OCA2: variants seen among roughly 807,000 people sequenced by gnomAD.
The protein encoded by OCA2 is P protein.
Under a neutral mutation model 100.2 loss-of-function variants are expected in OCA2, and 77 were observed. The ratio of observed to expected loss-of-function variants is 0.77; its 90% CI spans 0.64 to 0.93. The LOEUF is 0.93. Among genes scored for constraint, OCA2 ranks in the 40% least tolerant of loss-of-function variants. OCA2 has a pLI of 0.00. For missense variants in OCA2, 1,062 were observed against 1,089.1 expected, an observed-to-expected ratio of 0.98 and a Z score of 0.35; for synonymous variants, 432 against 439.2, an observed-to-expected ratio of 0.98 and a Z score of 0.21.
intron 23 of OCA2, among the ~76,000 whole-genome samples, chr15:27,774,220 G>GT (rs938696734): frequency 3.3e-5 from 5 of 151,740 alleles, no homozygotes; most frequent in African/African-American, 1.2e-4. Flanking sequence ...TCACCCCACT[G>GT]TGGGGGGCCA....
chr15:27,880,876 G>C (rs1467068703), intron 19 of OCA2, among the ~76,000 whole-genome samples: 3 of 152,152 alleles, frequency 2.0e-5, no homozygotes, highest in Admixed American at 1.3e-4. Context: ...GCCCTGGCCA[G>C]AACTTCCAAT....
chr15:27,922,683 GTGT>G (rs1567110132), intron 19 of OCA2, among the ~76,000 whole-genome samples: 6 of 36,320 alleles, frequency 1.7e-4, no homozygotes, highest in African/African-American at 1.5e-3. Flanking sequence ...TGTTTGGGGT[GTGT>G]GTGTGTGTGT....
chr15:28,032,556 C>G (rs555428104), intron 2 of OCA2, among the ~76,000 whole-genome samples: 2 of 151,638 alleles, frequency 1.3e-5, no homozygotes, highest in Admixed American at 6.6e-5. Context: ...GAGACTGAGG[C>G]GGGTGAACCA....
At chr15:27,975,829 A>G (rs758396418) in intron 14 of OCA2, among the ~76,000 whole-genome samples, 5 of 152,180 alleles carry the variant, frequency 3.3e-5, no homozygotes, top group Non-Finnish European at 7.4e-5. Context: ...AAAACCTGCT[A>G]TAGTTTTGAT....
intron 6 of OCA2, among the ~76,000 whole-genome samples, chr15:28,020,353 C>T (rs1037424322): frequency 2.6e-5 from 4 of 152,210 alleles, no homozygotes; most frequent in Non-Finnish European, 5.9e-5. Flanking sequence ...CCTGGGATCT[C>T]TACTGACTGA....
At chr15:27,796,123 T>G (rs1238884721) in intron 23 of OCA2, among the ~76,000 whole-genome samples, 1 of 152,204 alleles carries the variant, frequency 6.6e-6, no homozygotes, top group Admixed American at 6.5e-5. Context: ...GGACCTCAGG[T>G]TCTGCTGATT....
chr15:28,081,602 T>G (rs1188764034), intron 2 of OCA2, 46 bp downstream of exon 2: 1 of 1,562,330 alleles, frequency 6.4e-7, no homozygotes, highest in Non-Finnish European at 8.8e-7. Context: ...GGAAACCCAA[T>G]CTGTGTGAAG....
At chr15:27,986,526 T>C (rs1258285534) in intron 12 of OCA2, 61 bp downstream of exon 12, 2 of 1,027,902 alleles carry the variant, frequency 1.9e-6, no homozygotes, top group African/African-American at 1.6e-5. Flanking sequence ...ATATATAATG[T>C]CAGAAAAATA....
chr15:27,843,884 C>A (rs2035433930), intron 23 of OCA2, among the ~76,000 whole-genome samples: 1 of 152,210 alleles, frequency 6.6e-6, no homozygotes, highest in African/African-American at 2.4e-5. Context: ...GCTGTCTCCA[C>A]TGGCTACAGG....
chr15:27,778,552 A>G (rs2032368455), intron 23 of OCA2, among the ~76,000 whole-genome samples: 1 of 152,196 alleles, frequency 6.6e-6, no homozygotes, highest in African/African-American at 2.4e-5. Flanking sequence ...TTTTAAAGCT[A>G]TAACGTTCTG....
intron 2 of OCA2, among the ~76,000 whole-genome samples, chr15:28,062,425 A>G (rs1221971912): frequency 6.6e-6 from 1 of 152,188 alleles, no homozygotes; most frequent in Admixed American, 6.5e-5. Context: ...TCTTTTTATT[A>G]TGGAGTTGTA....
chr15:28,096,128 G>C (rs891698399), intron 1 of OCA2, among the ~76,000 whole-genome samples: 1 of 151,768 alleles, frequency 6.6e-6, no homozygotes, highest in African/African-American at 2.4e-5. Context: ...CTTGTCTCCG[G>C]GGCGTGGTCG....
chr15:27,767,426 TTTTC>T (rs966129936), intron 23 of OCA2, among the ~76,000 whole-genome samples: 27 of 152,106 alleles, frequency 1.8e-4, no homozygotes, highest in African/African-American at 6.3e-4. Context: ...CTTGAAGAAC[TTTTC>T]TGTCTAACTA....
At chr15:27,944,260 C>T (rs2039756053) in intron 18 of OCA2, among the ~76,000 whole-genome samples, 1 of 152,164 alleles carries the variant, frequency 6.6e-6, no homozygotes, top group Non-Finnish European at 1.5e-5. Flanking sequence ...TCTGATCTAT[C>T]CAATCCCCTT....
intron 4 of OCA2, 51 bp downstream of exon 4, chr15:28,027,820 G>A (rs371012990): frequency 1.5e-5 from 24 of 1,584,046 alleles, no homozygotes; most frequent in African/African-American, 5.4e-5. Flanking sequence ...CATGTAGGAC[G>A]CGATGTGCGG....
intron 19 of OCA2, among the ~76,000 whole-genome samples, chr15:27,913,885 A>AAG (rs1481040582): frequency 1.5e-4 from 8 of 55,162 alleles, no homozygotes; most frequent in African/African-American, 5.6e-4. Context: ...GAAAGAAAGA[A>AAG]AGAAAGAAAG....
the OCA2 span, among the ~76,000 whole-genome samples, chr15:27,744,046 G>A: frequency 1.3e-5 from 2 of 152,170 alleles, no homozygotes; most frequent in Admixed American, 6.5e-5. Context: ...AAAGACTGAA[G>A]GTCAGTTCGG....
At chr15:28,051,792 G>A (rs2043526121) in intron 2 of OCA2, among the ~76,000 whole-genome samples, 1 of 151,998 alleles carries the variant, frequency 6.6e-6, no homozygotes, top group African/African-American at 2.4e-5. Context: ...ACCATGGGAT[G>A]CTTGGGCACT....
intron 2 of OCA2, among the ~76,000 whole-genome samples, chr15:28,038,070 A>C (rs2043096910): frequency 6.6e-6 from 1 of 150,664 alleles, no homozygotes. Context: ...ATCCCTATGT[A>C]CTCTTCTCTC....
Sources: gnomAD v4.1 joint callset for allele counts (sites outside exome capture counted in the v4.1 genomes callset) on GRCh38, gnomAD v4.1.1 for gene constraint, MANE v1.5 for transcripts, NCBI Gene and HGNC (gene_info 2026-07-23, HGNC 2026-07-21) for gene names.